The following SLC25A26 variants were observed in gnomAD, a reference collection of about 807,000 sequenced individuals.
SLC25A26 encodes the protein solute carrier family 25 member 26.
SLC25A26 carries 36 observed loss-of-function variants against 37.8 expected under a neutral mutation model. The ratio of observed to expected loss-of-function variants is 0.95; its 90% confidence interval spans 0.73 to 1.26. The LOEUF (loss-of-function observed/expected upper bound fraction) is 1.26. Among genes scored for constraint, SLC25A26 ranks in the 50% most tolerant of loss-of-function variants. SLC25A26 has a pLI of 0.00. For synonymous variants in SLC25A26, 129 were observed against 122.5 expected, an observed-to-expected ratio of 1.05 and a Z score of -0.35; for missense variants, 390 against 331.1, an observed-to-expected ratio of 1.18 and a Z score of -1.38.
chr3:66,284,574 C>G (rs2074448173), intron 5 of SLC25A26, among the ~76,000 whole-genome samples: 1 of 151,826 alleles, frequency 6.6e-6, no homozygotes, highest in African/African-American at 2.4e-5. Context: ...ATAAATGTTT[C>G]TCAATATGAG....
chr3:66,342,641 A>G (rs1345781051), intron 5 of SLC25A26, among the ~76,000 whole-genome samples: 3 of 152,176 alleles, frequency 2.0e-5, no homozygotes, highest in Non-Finnish European at 4.4e-5. Flanking sequence ...TGTGCTCATA[A>G]TGTAATTTTG....
Position 66,346,364 on chromosome 3 carries a change from A to AT in SLC25A26, c.456dup (p.Pro153SerfsTer66). On this transcript the variant is annotated frameshift_variant and splice_region_variant, in exon 6 of 10. Coordinates refer to ENST00000354883, the MANE Select transcript of SLC25A26 (RefSeq NM_001379210.1). LOFTEE classifies it high-confidence loss of function. Reference sequence around the variant, plus strand: ...TTTAATTTTTTTTTTCTCTCTTCAGATTCCTTTTTCTTTGGTCCAGTTTCC... The same window carrying AT: ...TTTAATTTTTTTTTTCTCTCTTCAGATTTCCTTTTTCTTTGGTCCAGTTTCC... The AT allele has an allele frequency of 6.7e-7, 1 of 1,483,934 alleles. No homozygotes were observed. The highest frequency in any genetic ancestry group is 9.0e-7 in the Non-Finnish European group (1 of 1,110,120). 91.9% of individuals were successfully genotyped at this position (1,483,934 alleles called of 1,614,324 possible). A position where few individuals can be genotyped will look rare whatever the true frequency, so the allele number is the denominator to read the frequency against.
intron 9 of SLC25A26, among the ~76,000 whole-genome samples, chr3:66,374,924 A>G (rs1317642667): frequency 6.6e-6 from 1 of 152,142 alleles, no homozygotes; most frequent in Non-Finnish European, 1.5e-5. Context: ...GAGATGATTA[A>G]ATTTAGTGAG....
At position 66,236,549 on chromosome 3, in the gene SLC25A26, TG is replaced by T; in HGVS notation, c.43del (p.Val15Ter). 7.0e-7 allele frequency: 1 copy of T among 1,437,348 alleles called. No individual in the cohort carries two copies. The allele number at this position is 1,437,348 out of a possible 1,614,324, so 89.0% of individuals were successfully genotyped here. A position where few individuals can be genotyped will look rare whatever the true frequency, so the allele number is the denominator to read the frequency against. ...TCCCTCTTTTTTTTTCAAAGGCTGGTGGGGTAGCAGGTGTTTCTGTTGACTT... is the reference window on the plus strand; with the variant it reads ...TCCCTCTTTTTTTTTCAAAGGCTGGTGGGTAGCAGGTGTTTCTGTTGACTT... ...PGFVAALVAG[G>X]VAGVSVDLIL... On this transcript the variant is annotated frameshift_variant, in exon 2 of 10. Coordinates refer to ENST00000354883, the MANE Select transcript of SLC25A26 (RefSeq NM_001379210.1). LOFTEE classifies it high-confidence loss of function.
chr3:66,281,572 A>C (rs536955688), intron 5 of SLC25A26, among the ~76,000 whole-genome samples: 1 of 152,152 alleles, frequency 6.6e-6, no homozygotes, highest in Non-Finnish European at 1.5e-5. Context: ...ATGGATTTTA[A>C]AAAAATAGCC....
At chr3:66,180,461 A>G (rs558145246) in intron 1 of SLC25A26, among the ~76,000 whole-genome samples, 2 of 152,328 alleles carry the variant, frequency 1.3e-5, no homozygotes, top group African/African-American at 4.8e-5. Context: ...ATCAGAAACT[A>G]TAAATAGGAA....
intron 1 of SLC25A26, among the ~76,000 whole-genome samples, chr3:66,140,599 A>G (rs1358569683): frequency 6.6e-6 from 1 of 152,184 alleles, no homozygotes; most frequent in Non-Finnish European, 1.5e-5. Flanking sequence ...AAATCTGTTC[A>G]TTCACCTGAG....
chr3:66,235,225 A>G (rs2072217957), intron 1 of SLC25A26, among the ~76,000 whole-genome samples: 1 of 152,168 alleles, frequency 6.6e-6, no homozygotes, highest in South Asian at 2.1e-4. Context: ...CTTCGTGTTC[A>G]TATTTTGTCA....
chr3:66,348,805 C>G (rs1201851396), intron 6 of SLC25A26, among the ~76,000 whole-genome samples: 2 of 152,044 alleles, frequency 1.3e-5, no homozygotes, highest in Non-Finnish European at 2.9e-5. Flanking sequence ...GTTTGTTTTA[C>G]TGTTTCCTAT....
chr3:66,258,660 C>T (rs2073400006), intron 3 of SLC25A26, among the ~76,000 whole-genome samples: 1 of 152,024 alleles, frequency 6.6e-6, no homozygotes, highest in South Asian at 2.1e-4. Flanking sequence ...TTTTATTAAA[C>T]CACACACATC....
chr3:66,263,572 G>A (rs377676863), intron 5 of SLC25A26, among the ~76,000 whole-genome samples, 193 bp downstream of exon 5: 5 of 152,152 alleles, frequency 3.3e-5, no homozygotes, highest in Non-Finnish European at 5.9e-5. Context: ...TGGGTTTGCC[G>A]GAAGAGCAAT....
intron 5 of SLC25A26, among the ~76,000 whole-genome samples, chr3:66,325,550 C>A (rs552165643): frequency 6.6e-6 from 1 of 152,262 alleles, no homozygotes; most frequent in Non-Finnish European, 1.5e-5. Context: ...CTGATCTAGT[C>A]TGGACCAGTT....
chr3:66,244,332 C>T (rs1270040261), intron 3 of SLC25A26, among the ~76,000 whole-genome samples: 1 of 152,110 alleles, frequency 6.6e-6, no homozygotes, highest in African/African-American at 2.4e-5. Flanking sequence ...ACATATAAAG[C>T]AAAAACTGAC....
At chr3:66,373,365 C>T (rs930403485) in intron 9 of SLC25A26, among the ~76,000 whole-genome samples, 1 of 152,170 alleles carries the variant, frequency 6.6e-6, no homozygotes, top group Non-Finnish European at 1.5e-5. Flanking sequence ...GCCGTAATTA[C>T]GTTAATAGAT....
intron 1 of SLC25A26, among the ~76,000 whole-genome samples, chr3:66,179,143 G>A (rs773390973): frequency 4.6e-5 from 7 of 152,246 alleles, no homozygotes; most frequent in South Asian, 2.1e-4. Context: ...TCTCTTACGC[G>A]TTTTAAAGTT....
intron 5 of SLC25A26, among the ~76,000 whole-genome samples, chr3:66,327,465 A>G (rs1210419920): frequency 6.6e-6 from 1 of 152,192 alleles, no homozygotes; most frequent in Non-Finnish European, 1.5e-5. Context: ...TAAATATATA[A>G]TACATTGAAC....
At chr3:66,160,246 T>A (rs2070339110) in intron 1 of SLC25A26, among the ~76,000 whole-genome samples, 1 of 152,160 alleles carries the variant, frequency 6.6e-6, no homozygotes, top group Admixed American at 6.5e-5. Context: ...TGCCTCAGCA[T>A]GCCAAAGTGC....
chr3:66,151,400 C>T (rs1398984190), intron 1 of SLC25A26, among the ~76,000 whole-genome samples: 1 of 152,206 alleles, frequency 6.6e-6, no homozygotes, highest in Non-Finnish European at 1.5e-5. Flanking sequence ...GGTTGTGTCT[C>T]ACTACCAAGA....
chr3:66,320,109 A>G (rs2075654560), intron 5 of SLC25A26, among the ~76,000 whole-genome samples: 1 of 152,182 alleles, frequency 6.6e-6, no homozygotes, highest in African/African-American at 2.4e-5. Flanking sequence ...GTATTTATTT[A>G]AAAATATATA....
Sources: allele counts gnomAD v4.1 joint callset (sites outside exome capture counted in the v4.1 genomes callset), GRCh38; gene constraint gnomAD v4.1.1; transcripts MANE v1.5; gene names NCBI Gene and HGNC (gene_info 2026-07-23, HGNC 2026-07-21).